Variants in ROBO2 observed in about 807,000 individuals in gnomAD.
ROBO2 encodes roundabout homolog 2.
ROBO2 carries 53 observed loss-of-function variants against 160.8 expected under a neutral mutation model. That is an observed-to-expected ratio of 0.33 (90% CI 0.26 to 0.41). The LOEUF is 0.41. Among genes scored for constraint, ROBO2 ranks in the 10% least tolerant of loss-of-function variants. The probability of loss-of-function intolerance (pLI) is 1.00; values close to 1 mark genes in which losing one functional copy is unlikely to be tolerated. For synonymous variants in ROBO2, 664 were observed against 611.7 expected, an observed-to-expected ratio of 1.09 and a Z score of -1.26; for missense variants, 1,577 against 1,722.4, an observed-to-expected ratio of 0.92 and a Z score of 1.49.
rs573387517 is a variant in ROBO2, at chr3:77,237,503, G to A, written c.388+139163G>A. On this transcript the variant is annotated intron_variant, in intron 2 of 25. Coordinates refer to ENST00000461745, the Ensembl canonical transcript of ROBO2. The stretch of plus-strand genomic sequence containing the variant: ...TGATCTTGAACTCGTGATCTCCAAT[G>A]ATCCTCCCACCTTGGGCTCCCAAAA... 1.0e-4 allele frequency among the ~76,000 whole-genome samples: 15 copies of A among 148,146 alleles called. No homozygotes were observed. The East Asian group carries it at 3.0e-3, about 30-fold the overall frequency.
chr3:76,547,414 A>G (rs968682719), intron 2 of ROBO2, among the ~76,000 whole-genome samples: 2 of 151,954 alleles, frequency 1.3e-5, no homozygotes, highest in African/African-American at 2.4e-5. Flanking sequence ...TTTACAAAAC[A>G]CAGCTTTTTT....
intron 2 of ROBO2, among the ~76,000 whole-genome samples, chr3:76,917,907 T>A (rs1328625594): frequency 6.6e-6 from 1 of 152,158 alleles, no homozygotes; most frequent in Non-Finnish European, 1.5e-5. Flanking sequence ...AAATACAACT[T>A]ATGTTTTCTA....
At chr3:76,707,318 G>A (rs1458008980) in intron 2 of ROBO2, among the ~76,000 whole-genome samples, 1 of 152,040 alleles carries the variant, frequency 6.6e-6, no homozygotes, top group African/African-American at 2.4e-5. Flanking sequence ...AATAATAGGT[G>A]ATTCCTTTGG....
chr3:76,250,501 C>T lies in ROBO2; in HGVS notation c.109+312899C>T, dbSNP rs1231499744. On this transcript the variant is annotated intron_variant, in intron 2 of 26. Transcript: ENST00000487694. ...CGTGCATAAGTAGTTAATCGTTTTG[C>T]GTGTAGGAGAGTTTGGGTTGCCATA... Among the ~76,000 whole-genome samples the T allele has an allele frequency of 6.6e-5, 10 of 152,038 alleles. No individual in the cohort carries two copies. The East Asian group carries it at 1.5e-3, about 24-fold the overall frequency.
At chr3:76,449,320 CA>C (rs2077356733) in intron 2 of ROBO2, among the ~76,000 whole-genome samples, 1 of 152,022 alleles carries the variant, frequency 6.6e-6, no homozygotes, top group African/African-American at 2.4e-5. Flanking sequence ...CTTCATTTTA[CA>C]GGGAGACTAG....
chr3:76,293,010 TA>T (rs1708884385), intron 2 of ROBO2, among the ~76,000 whole-genome samples: 1 of 151,982 alleles, frequency 6.6e-6, no homozygotes, highest in Non-Finnish European at 1.5e-5. Flanking sequence ...TGTTATAACA[TA>T]AAAATTTTAA....
intron 2 of ROBO2, among the ~76,000 whole-genome samples, chr3:77,430,161 AG>A (rs2078629375): frequency 1.3e-5 from 2 of 152,138 alleles, no homozygotes; most frequent in African/African-American, 4.8e-5. Flanking sequence ...CAATTCTGAC[AG>A]GGAGTGGTAT....
At position 76,230,991 on chromosome 3, in the gene ROBO2, A is replaced by G. The variant is rs549524505; in HGVS notation, c.109+293389A>G. 2.0e-5 allele frequency among the ~76,000 whole-genome samples: 3 copies of G among 152,256 alleles called. 1 individual carries two copies. Among genetic ancestry groups the G allele is most frequent in the Admixed American group, 2.0e-4 (3 of 15,294 alleles). On this transcript the variant is annotated intron_variant, in intron 2 of 26. Transcript: ENST00000487694. ...CACCAAAGATTACCAATAAACCACC[A>G]GAAGCTAAGAGAGAGGCACGAATCA...
At chr3:76,932,311 A>G (rs2077400111) in intron 2 of ROBO2, among the ~76,000 whole-genome samples, 1 of 152,188 alleles carries the variant, frequency 6.6e-6, no homozygotes, top group Non-Finnish European at 1.5e-5. Context: ...ACTAATTTAA[A>G]AAAGAACATT....
chr3:76,453,099 C>G (rs1014788101), intron 2 of ROBO2, among the ~76,000 whole-genome samples: 2 of 152,098 alleles, frequency 1.3e-5, no homozygotes, highest in Non-Finnish European at 2.9e-5. Context: ...GAGTAGGTTG[C>G]AAAAATTTTC....
intron 2 of ROBO2, among the ~76,000 whole-genome samples, chr3:76,505,332 C>G (rs2107685364): frequency 6.6e-6 from 1 of 151,482 alleles, no homozygotes; most frequent in African/African-American, 2.4e-5. Context: ...CTTCCTTGGC[C>G]ACACTAACCA....
chr3:76,237,759 T>A (rs1179751654), intron 2 of ROBO2, among the ~76,000 whole-genome samples: 4 of 152,120 alleles, frequency 2.6e-5, no homozygotes, highest in African/African-American at 9.7e-5. Flanking sequence ...TAAAAAGCAA[T>A]GTGGTTAGAG....
chr3:76,066,530 T>A (rs1486499213), intron 2 of ROBO2, among the ~76,000 whole-genome samples: 2 of 152,008 alleles, frequency 1.3e-5, no homozygotes, highest in African/African-American at 4.8e-5. Flanking sequence ...CAGACGTTTA[T>A]TGAACATTTT....
At chr3:77,252,831 A>AAAATATATATAT in intron 2 of ROBO2, among the ~76,000 whole-genome samples, 15 of 12,512 alleles carry the variant, frequency 1.2e-3, no homozygotes, top group African/African-American at 2.2e-3. Flanking sequence ...AAAAAAAAAA[A>AAAATATATATAT]ATATATATAT....
rs117628155 is a variant in ROBO2 at position 77,197,907 on chromosome 3, A to G, written c.388+99567A>G. Among the ~76,000 whole-genome samples, 1,386 of 152,286 alleles carry G rather than the reference A, an allele frequency of 9.1e-3. 68 individuals are homozygous for G. Among genetic ancestry groups the G allele is most frequent in the Admixed American group, 0.079 (1,209 of 15,298 alleles). On this transcript the variant is annotated intron_variant, in intron 2 of 25. Transcript: ENST00000461745. The stretch of plus-strand genomic sequence containing the variant: ...ATTATGGAAGGCAGGTCAGAGAGAT[A>G]CAACATTGCTCTCTTTGAAGATGGG...
At chr3:76,147,467 CTA>C (rs1197894464) in intron 2 of ROBO2, among the ~76,000 whole-genome samples, 2 of 151,756 alleles carry the variant, frequency 1.3e-5, no homozygotes, top group Non-Finnish European at 2.9e-5. Context: ...TAAAGTGTAA[CTA>C]TGTCTTTATT....
chr3:77,265,317 A>G (rs1229655247), intron 2 of ROBO2, among the ~76,000 whole-genome samples: 1 of 152,160 alleles, frequency 6.6e-6, no homozygotes, highest in African/African-American at 2.4e-5. Flanking sequence ...CCTTCTTTTC[A>G]TTAGTCACTA....
chr3:77,640,097 A>ATTTTTTTTTTTTTTTTTTTTTTT lies in ROBO2; in HGVS notation c.3935-4597_3935-4575dup, dbSNP rs71104695. 4.6e-5 allele frequency among the ~76,000 whole-genome samples: 3 copies of ATTTTTTTTTTTTTTTTTTTTTTT among 65,486 alleles called. 1 individual carries two copies. The highest frequency in any genetic ancestry group is 5.3e-5 in the Non-Finnish European group (2 of 38,060). The allele number at this position is 65,486 out of a possible 152,430, so 43.0% of individuals were successfully genotyped here. On this transcript the variant is annotated intron_variant, in intron 24 of 25. Transcript: ENST00000461745. The stretch of plus-strand genomic sequence containing the variant: ...AGAGAAGAAACACTGCAGAGGAAGC[A>ATTTTTTTTTTTTTTTTTTTTTTT]TTTTTTTTTTTTTTTTTTTTTTTTT...
chr3:76,049,612 A>T (rs2067588266), intron 2 of ROBO2, among the ~76,000 whole-genome samples: 1 of 151,556 alleles, frequency 6.6e-6, no homozygotes, highest in Admixed American at 6.6e-5. Flanking sequence ...AGGCCTAAAT[A>T]TTTTCTAAGT....
Sources: allele counts gnomAD v4.1 joint callset (sites outside exome capture counted in the v4.1 genomes callset), GRCh38; gene constraint gnomAD v4.1.1; transcripts MANE v1.5; gene names NCBI Gene and HGNC (gene_info 2026-07-23, HGNC 2026-07-21).